The following PCNX1 variants were observed in gnomAD, a reference collection of about 807,000 sequenced individuals.
The protein encoded by PCNX1 is pecanex 1, also known as pecanex-like protein 1.
A neutral mutation model predicts 242.2 loss-of-function variants in PCNX1; 78 were observed. That is an observed-to-expected ratio of 0.32 (90% CI 0.27 to 0.39). The LOEUF (loss-of-function observed/expected upper bound fraction) is 0.39, where lower values mean the gene tolerates loss of function less well. Ranked by LOEUF, PCNX1 falls within the 10% of genes least tolerant of loss-of-function variation. PCNX1 has a pLI of 1.00. For missense variants in PCNX1, 2,581 were observed against 2,856.5 expected, an observed-to-expected ratio of 0.90 and a Z score of 2.20; for synonymous variants, 1,024 against 1,032.9, an observed-to-expected ratio of 0.99 and a Z score of 0.17.
chr14:70,980,733 A>G (rs1174634264), intron 6 of PCNX1, among the ~76,000 whole-genome samples: 3 of 152,180 alleles, frequency 2.0e-5, no homozygotes, highest in South Asian at 2.1e-4. Flanking sequence ...ATACTTGTTT[A>G]TGTTAACATT....
chr14:70,965,077 AACAGTGAACCCACTGACCATAGT>A (rs1428159259), intron 3 of PCNX1, among the ~76,000 whole-genome samples: 3 of 152,168 alleles, frequency 2.0e-5, no homozygotes, highest in African/African-American at 7.2e-5. Flanking sequence ...TTGGGTACTA[AACAGTGAACCCACTGACCATAGT>A]AGCTACATCG....
At chr14:70,954,597 A>G (rs941638304) in intron 2 of PCNX1, among the ~76,000 whole-genome samples, 1 of 152,164 alleles carries the variant, frequency 6.6e-6, no homozygotes, top group Non-Finnish European at 1.5e-5. Context: ...TTATGATTTT[A>G]TAGTATTTAT....
chr14:71,064,422 G>T (rs1257540592), intron 26 of PCNX1, among the ~76,000 whole-genome samples: 1 of 152,048 alleles, frequency 6.6e-6, no homozygotes, highest in African/African-American at 2.4e-5. Context: ...TATAAACAAG[G>T]ACCTCAGTTG....
intron 13 of PCNX1, 47 bp from the exon 14 acceptor site, chr14:71,026,070 G>A (rs1346380078): frequency 1.6e-6 from 2 of 1,281,264 alleles, no homozygotes; most frequent in Non-Finnish European, 2.2e-6. Flanking sequence ...AGTTATTTGT[G>A]ACTCTTAAAA....
chr14:71,064,667 A>C (rs899931957), intron 26 of PCNX1, among the ~76,000 whole-genome samples: 1 of 152,188 alleles, frequency 6.6e-6, no homozygotes, highest in Non-Finnish European at 1.5e-5. Context: ...TGTGCAAAAC[A>C]TGCAGGTTTG....
chr14:71,036,115 G>A lies in PCNX1; in HGVS notation c.3825G>A (p.Leu1275=). Residue 1275 remains leucine, a synonymous_variant, in exon 19 of 36, where the codon CTG becomes CTA. Transcript: ENST00000304743. ...TAGTATGCATTGTAATTGGTGTGCTGTATTTTGCTATTCATGTAAGCACAG... is the reference window on the plus strand; with the variant it reads ...TAGTATGCATTGTAATTGGTGTGCTATATTTTGCTATTCATGTAAGCACAG... The part of the protein sequence containing the change: ...DLVVCIVIGV[L]YFAIHVSTVF... 6.2e-7 allele frequency: 1 copy of A among 1,608,722 alleles called. No homozygotes were observed. The highest frequency in any genetic ancestry group is 8.5e-7 in the Non-Finnish European group (1 of 1,175,176).
chr14:70,983,946 T>C (rs2058921754), intron 6 of PCNX1, among the ~76,000 whole-genome samples: 1 of 151,348 alleles, frequency 6.6e-6, no homozygotes, highest in African/African-American at 2.4e-5. Flanking sequence ...ACATTCCTTT[T>C]AGAATGTTTT....
chr14:71,109,979 C>T lies in PCNX1; in HGVS notation c.*44C>T, dbSNP rs1188345414. ...GACATTTCTTTTTCCCTCTCAATTCCAAGGCATTGGAAAAAGAGAGGAACA... is the reference window on the plus strand; with the variant it reads ...GACATTTCTTTTTCCCTCTCAATTCTAAGGCATTGGAAAAAGAGAGGAACA... On this transcript the variant is annotated 3_prime_UTR_variant, in exon 36 of 36. Coordinates refer to ENST00000304743, the MANE Select transcript of PCNX1 (RefSeq NM_014982.3). The T allele has an allele frequency of 6.3e-7, 1 of 1,576,076 alleles. No individual in the cohort carries two copies. The highest frequency in any genetic ancestry group is 8.7e-7 in the Non-Finnish European group (1 of 1,146,150).
rs193245710 is a variant in PCNX1 at position 71,111,724 on chromosome 14, C to T, written c.*1789C>T. The T allele has an allele frequency of 6.6e-6, 1 of 152,156 alleles. No individual in the cohort carries two copies. Among genetic ancestry groups the T allele is most frequent in the Admixed American group, 6.5e-5 (1 of 15,300 alleles). The allele number at this position is 152,156 out of a possible 1,614,324, so 9.4% of individuals were successfully genotyped here. On this transcript the variant is annotated 3_prime_UTR_variant, in exon 36 of 36. Transcript: ENST00000304743. ...TAAAACCTATTTATTTTCCCTTTTT[C>T]TAATTTTAAACTTTTGTGGTCATTC...
chr14:71,048,194 A>G (rs2141136155), intron 22 of PCNX1, among the ~76,000 whole-genome samples: 1 of 152,290 alleles, frequency 6.6e-6, no homozygotes, highest in South Asian at 2.1e-4. Context: ...AGCTAAGAAG[A>G]TAAAGTTACA....
At chr14:71,028,461 G>A (rs771944932) in intron 15 of PCNX1, among the ~76,000 whole-genome samples, 2 of 151,788 alleles carry the variant, frequency 1.3e-5, no homozygotes, top group Non-Finnish European at 2.9e-5. Context: ...ACATATAAAT[G>A]TTTATTGCTT....
At chr14:71,093,485 A>C (rs2062191172) in intron 30 of PCNX1, 1 of 152,278 alleles carries the variant, frequency 6.6e-6, no homozygotes, top group Non-Finnish European at 1.5e-5. Flanking sequence ...CAGTGCCAGA[A>C]AACAAGTTGA....
intron 2 of PCNX1, among the ~76,000 whole-genome samples, chr14:70,951,907 T>G (rs1194735330): frequency 6.6e-6 from 1 of 152,218 alleles, no homozygotes; most frequent in African/African-American, 2.4e-5. Flanking sequence ...CCTTTCACAT[T>G]TTTTAAATGG....
intron 22 of PCNX1, among the ~76,000 whole-genome samples, chr14:71,048,352 G>A (rs1478997386): frequency 6.6e-6 from 1 of 152,178 alleles, no homozygotes; most frequent in Non-Finnish European, 1.5e-5. Flanking sequence ...AGAGGCTGAG[G>A]AGACTGAGGC....
chr14:70,991,265 C>T (rs566204975), intron 7 of PCNX1, among the ~76,000 whole-genome samples: 242 of 144,252 alleles, frequency 1.7e-3, no homozygotes, highest in African/African-American at 6.0e-3. Flanking sequence ...AGTGCAGTGG[C>T]GCGATCTCGG....
At chr14:71,073,948 C>T in intron 27 of PCNX1, 150 bp downstream of exon 27, 1 of 467,268 alleles carries the variant, frequency 2.1e-6, no homozygotes, top group Non-Finnish European at 3.4e-6. Flanking sequence ...CAGAATACTC[C>T]ATAAAAATAA....
At chr14:71,102,939 G>GT (rs1376167921) in intron 31 of PCNX1, among the ~76,000 whole-genome samples, 2 of 151,822 alleles carry the variant, frequency 1.3e-5, no homozygotes, top group African/African-American at 2.4e-5. Flanking sequence ...TTGCTTGTTT[G>GT]TTTTTTTAAA....
At chr14:71,047,233 T>G (rs1480009536) in intron 21 of PCNX1, 128 bp downstream of exon 21, 1 of 522,534 alleles carries the variant, frequency 1.9e-6, no homozygotes, top group East Asian at 3.3e-5. Flanking sequence ...AAAATTTAGG[T>G]GACATTTTGT....
chr14:71,023,830 C>T (rs899877444), intron 13 of PCNX1, among the ~76,000 whole-genome samples: 10 of 151,980 alleles, frequency 6.6e-5, no homozygotes, highest in African/African-American at 2.2e-4. Context: ...AAATAGACTT[C>T]ATGAATAGTT....
Sources: allele counts gnomAD v4.1 joint callset (sites outside exome capture counted in the v4.1 genomes callset), GRCh38; gene constraint gnomAD v4.1.1; transcripts MANE v1.5; gene names NCBI Gene and HGNC (gene_info 2026-07-23, HGNC 2026-07-21).